Variants in ADAM23 observed in about 807,000 individuals in gnomAD.
ADAM23 encodes disintegrin and metalloproteinase domain-containing protein 23.
ADAM23 carries 33 observed loss-of-function variants against 120.1 expected under a neutral mutation model. The ratio of observed to expected loss-of-function variants is 0.27; its 90% confidence interval spans 0.21 to 0.37. The LOEUF is 0.37. ADAM23 is among the 10% of genes least tolerant of loss of function. The probability of loss-of-function intolerance (pLI) is 1.00; values close to 1 mark genes in which losing one functional copy is unlikely to be tolerated. For synonymous variants in ADAM23, 367 were observed against 375.2 expected, an observed-to-expected ratio of 0.98 and a Z score of 0.25; for missense variants, 862 against 1,058.2, an observed-to-expected ratio of 0.81 and a Z score of 2.57.
intron 9 of ADAM23, among the ~76,000 whole-genome samples, chr2:206,557,074 A>G (rs1421349377): frequency 6.6e-6 from 1 of 152,012 alleles, no homozygotes; most frequent in Non-Finnish European, 1.5e-5. Context: ...TATTCAGAAC[A>G]TCGTAGGTTT....
intron 25 of ADAM23, among the ~76,000 whole-genome samples, chr2:206,616,845 G>C (rs1698942918): frequency 6.6e-6 from 1 of 152,146 alleles, no homozygotes; most frequent in Non-Finnish European, 1.5e-5. Flanking sequence ...GTAGTGTCTT[G>C]CTGGTTCTTT....
intron 13 of ADAM23, 29 bp downstream of exon 13, chr2:206,562,322 T>G: frequency 6.5e-7 from 1 of 1,546,858 alleles, no homozygotes; most frequent in Admixed American, 1.7e-5. Flanking sequence ...TTACTCATTT[T>G]CATGTGCCAT....
intron 3 of ADAM23, among the ~76,000 whole-genome samples, chr2:206,498,075 C>T (rs1318967458): frequency 6.6e-6 from 1 of 152,070 alleles, no homozygotes; most frequent in Non-Finnish European, 1.5e-5. Flanking sequence ...GCCATACTGC[C>T]CAAGGTAATT....
chr2:206,509,610 A>C (rs1696579492), intron 3 of ADAM23, among the ~76,000 whole-genome samples: 1 of 151,936 alleles, frequency 6.6e-6, no homozygotes, highest in Admixed American at 6.6e-5. Flanking sequence ...CATCACGCCC[A>C]GCTAATTTTT....
chr2:206,550,726 C>T (rs1257242707), intron 9 of ADAM23, among the ~76,000 whole-genome samples: 1 of 151,560 alleles, frequency 6.6e-6, no homozygotes, highest in Non-Finnish European at 1.5e-5. Context: ...CTCAGCCTCC[C>T]GAGTAGCTGG....
intron 18 of ADAM23, among the ~76,000 whole-genome samples, chr2:206,586,833 A>G (rs1211976246): frequency 1.3e-5 from 2 of 152,218 alleles, no homozygotes; most frequent in Non-Finnish European, 2.9e-5. Context: ...AACTATTAAT[A>G]TAATGGAGAT....
chr2:206,509,814 T>A (rs1326252175), intron 3 of ADAM23, among the ~76,000 whole-genome samples: 2 of 152,368 alleles, frequency 1.3e-5, no homozygotes, highest in East Asian at 1.9e-4. Flanking sequence ...TAGTTAAAAT[T>A]ATATAACAAA....
intron 3 of ADAM23, among the ~76,000 whole-genome samples, chr2:206,506,733 C>G (rs1202564027): frequency 6.6e-6 from 1 of 152,202 alleles, no homozygotes; most frequent in Non-Finnish European, 1.5e-5. Context: ...TAAAGCCCGT[C>G]ATGCTTAATC....
chr2:206,533,189 T>C (rs950567867), intron 4 of ADAM23, among the ~76,000 whole-genome samples: 1 of 152,082 alleles, frequency 6.6e-6, no homozygotes, highest in Admixed American at 6.6e-5. Context: ...CCTAAAGATC[T>C]CAAATTGTTT....
Position 206,443,787 on chromosome 2 carries a change from C to A in ADAM23, c.-80C>A. 1 of 844,550 alleles carries A rather than the reference C, an allele frequency of 1.2e-6. No homozygotes were observed. Among genetic ancestry groups the A allele is most frequent in the Non-Finnish European group, 1.4e-6 (1 of 698,396 alleles). The allele number at this position is 844,550 out of a possible 1,614,324, so 52.3% of individuals were successfully genotyped here. ...CACCATGCGCGCCGAGCCGGCGTGA[C>A]CGGCTCCGCCCGCGGCCGCCCCGCA... On this transcript the variant is annotated 5_prime_UTR_variant, in exon 1 of 26. Transcript: ENST00000264377.
At chr2:206,575,220 A>G (rs1359673216) in intron 18 of ADAM23, among the ~76,000 whole-genome samples, 1 of 152,214 alleles carries the variant, frequency 6.6e-6, no homozygotes, top group Non-Finnish European at 1.5e-5. Context: ...TAGCTGGAGA[A>G]TAGTAGAAAC....
chr2:206,550,595 T>C (rs912581044), intron 9 of ADAM23, among the ~76,000 whole-genome samples: 1 of 151,508 alleles, frequency 6.6e-6, no homozygotes, highest in Non-Finnish European at 1.5e-5. Context: ...TGATGACTTA[T>C]CGTCTTTTTT....
chr2:206,589,615 T>C, intron 21 of ADAM23, 101 bp downstream of exon 21: 1 of 888,456 alleles, frequency 1.1e-6, no homozygotes. Flanking sequence ...TTTTTCTAAG[T>C]GTTCACCATT....
chr2:206,506,133 AT>A (rs1696492305), intron 3 of ADAM23, among the ~76,000 whole-genome samples: 1 of 152,216 alleles, frequency 6.6e-6, no homozygotes, highest in Non-Finnish European at 1.5e-5. Context: ...AAATTAACAT[AT>A]GCCTCATAGA....
chr2:206,494,536 G>C (rs547911900), intron 3 of ADAM23, among the ~76,000 whole-genome samples: 1 of 152,278 alleles, frequency 6.6e-6, no homozygotes, highest in South Asian at 2.1e-4. Context: ...TGGTTGAGCT[G>C]TTTTGAAGGA....
At chr2:206,557,388 T>C (rs749877615) in intron 9 of ADAM23, 39 bp from the exon 10 acceptor site, 229 of 1,479,204 alleles carry the variant, frequency 1.5e-4, no homozygotes, top group South Asian at 1.1e-5. Flanking sequence ...TATTATTCAC[T>C]TATGATTTGG....
chr2:206,477,897 A>AATATAT (rs71034457), intron 2 of ADAM23, among the ~76,000 whole-genome samples: 51 of 93,568 alleles, frequency 5.5e-4, no homozygotes, highest in African/African-American at 2.2e-3. Flanking sequence ...AAAAAAAAAA[A>AATATAT]ATATATATAT....
chr2:206,561,011 AT>A, intron 11 of ADAM23, 116 bp from the exon 12 acceptor site: 1 of 746,326 alleles, frequency 1.3e-6, no homozygotes, highest in Non-Finnish European at 2.3e-6. Context: ...AAAGTTTTTG[AT>A]TTCTTGGAGG....
In ADAM23 at chr2:206,444,059, T is replaced by TG; in HGVS notation, c.199dup (p.Ala67GlyfsTer11). ...CGCCGCCTCGTCCCGGCCCCGCGCC[T>TG]GGGGGGCTGCTGCGCCCAGCGGTGG... On this transcript the variant is annotated frameshift_variant, in exon 1 of 26. Transcript: ENST00000264377. LOFTEE classifies it high-confidence loss of function. 7.2e-6 allele frequency: 10 copies of TG among 1,386,890 alleles called. No individual in the cohort carries two copies. The highest frequency in any genetic ancestry group is 4.9e-5 in the South Asian group (3 of 61,824). The allele number at this position is 1,386,890 out of a possible 1,614,324, so 85.9% of individuals were successfully genotyped here. A position where few individuals can be genotyped will look rare whatever the true frequency, so the allele number is the denominator to read the frequency against.
Sources: allele counts gnomAD v4.1 joint callset (sites outside exome capture counted in the v4.1 genomes callset), GRCh38; gene constraint gnomAD v4.1.1; transcripts MANE v1.5; gene names NCBI Gene and HGNC (gene_info 2026-07-23, HGNC 2026-07-21).